The following ZNF623 variants were observed in gnomAD, a reference collection of about 807,000 sequenced individuals.
ZNF623 encodes zinc finger protein 623.
In ZNF623, 16 loss-of-function variants were observed where a neutral mutation model predicts 24.0. That is an observed-to-expected ratio of 0.67 (90% CI 0.45 to 1.01). The LOEUF (loss-of-function observed/expected upper bound fraction) is 1.01, where lower values mean the gene tolerates loss of function less well. Ranked by LOEUF, ZNF623 falls within the 50% of genes least tolerant of loss-of-function variation. The probability of loss-of-function intolerance (pLI) is 0.00; values close to 1 mark genes in which losing one functional copy is unlikely to be tolerated. For missense variants in ZNF623, 566 were observed against 606.5 expected (o/e 0.93, Z 0.70); for synonymous variants, 224 against 219.8 (o/e 1.02, Z -0.17).
In ZNF623 at chr8:143,650,648, G is replaced by A. The variant is rs1452692559; in HGVS notation, c.656G>A (p.Gly219Glu). Residue 219 changes from glycine (G) to glutamate (E), a missense_variant, in exon 2 of 2, where the codon GGA becomes GAA. This residue lies in a region of ZNF623 where 313 missense variants were observed against 300.4 expected (regional missense o/e 1.04). Coordinates refer to ENST00000526926, the MANE Select transcript of ZNF623 (RefSeq NM_001261843.2). The surrounding 1 kb of genome is among the most constrained non-coding windows in gnomAD (Gnocchi z 5.2). ...ATTCGCCATCAGAGGATTCACACGG[G>A]AGAAAGGCCCTATGAGTGCAATGAA... is the stretch of plus-strand genomic sequence containing the variant. ...LLIRHQRIHT[G>E]ERPYECNECG... 6.2e-7 allele frequency: 1 copy of A among 1,614,000 alleles called. No homozygotes were observed. Among genetic ancestry groups the A allele is most frequent in the Non-Finnish European group, 8.5e-7 (1 of 1,180,048 alleles).
intron 1 of ZNF623, among the ~76,000 whole-genome samples, chr8:143,639,878 C>T (rs567986358): frequency 3.9e-5 from 6 of 152,302 alleles, no homozygotes; most frequent in African/African-American, 1.4e-4. Flanking sequence ...GTGGACAGCA[C>T]GCACACATCA....
chr8:143,643,765 T>C (rs1011291385), intron 1 of ZNF623, among the ~76,000 whole-genome samples: 1 of 152,222 alleles, frequency 6.6e-6, no homozygotes, highest in Non-Finnish European at 1.5e-5. Flanking sequence ...CCTGGCTGCT[T>C]TTGCTCAGCA....
rs1231748124 is a variant in ZNF623, at chr8:143,650,111, A to G, written c.119A>G (p.Gln40Arg). Residue 40 changes from glutamine to arginine, a missense_variant, in exon 2 of 2, where the codon CAG (glutamine) becomes CGG (arginine). Transcript: ENST00000526926. This position sits in a 1 kb window ranked among gnomAD's most constrained non-coding sequence, Gnocchi z 5.2. The stretch of plus-strand genomic sequence containing the variant: ...CCCTCTCAGGACAGGGGCTGCAAGC[A>G]GGTGACAGTGACCCATTGGAAGATC... ...SSPSQDRGCK[Q>R]VTVTHWKIQT... 5 of 1,614,196 alleles carry G rather than the reference A, an allele frequency of 3.1e-6. No homozygotes were observed. Among genetic ancestry groups the G allele is most frequent in the Non-Finnish European group, 4.2e-6 (5 of 1,180,030 alleles).
At chr8:143,639,572 C>T (rs1487731002) in intron 1 of ZNF623, among the ~76,000 whole-genome samples, 2 of 152,156 alleles carry the variant, frequency 1.3e-5, no homozygotes, top group East Asian at 3.9e-4. Context: ...CCAGGCTGGT[C>T]TCTAAGTCCT....
chr8:143,651,573 TTG>T lies in ZNF623; in HGVS notation c.*93_*94del. On this transcript the variant is annotated 3_prime_UTR_variant, in exon 2 of 2. Transcript: ENST00000526926. ...TCTAAGATTTGGACATGTCAGAATT[TTG>T]TGAGTCATGGATGGGGCTGCTTTTG... 6.9e-7 allele frequency: 1 copy of T among 1,454,674 alleles called. No individual in the cohort carries two copies. The highest frequency in any genetic ancestry group is 1.4e-5 in the South Asian group (1 of 71,768). 90.1% of individuals were successfully genotyped at this position (1,454,674 alleles called of 1,614,324 possible). A position where few individuals can be genotyped will look rare whatever the true frequency, so the allele number is the denominator to read the frequency against.
At chr8:143,645,313 G>T (rs1309045946) in intron 1 of ZNF623, among the ~76,000 whole-genome samples, 2 of 151,760 alleles carry the variant, frequency 1.3e-5, no homozygotes, top group Non-Finnish European at 2.9e-5. Flanking sequence ...ATGGTGGCGG[G>T]CGCCTGTAGT....
rs768252678 is a variant in ZNF623 at position 143,650,183 on chromosome 8, A to G, written c.191A>G (p.His64Arg). The G allele has an allele frequency of 3.7e-6, 6 of 1,614,228 alleles. No individual in the cohort carries two copies. Among genetic ancestry groups the G allele is most frequent in the South Asian group, 1.1e-5 (1 of 91,088 alleles). Residue 64 changes from histidine (H) to arginine (R), a missense_variant, in exon 2 of 2, where the codon CAT (histidine) becomes CGT (arginine). Around this residue, in one of 3 missense-constraint regions of ZNF623, gnomAD observed 313 missense variants for 300.4 expected, o/e 1.04. Coordinates refer to ENST00000526926, the MANE Select transcript of ZNF623 (RefSeq NM_001261843.2). This position sits in a 1 kb window ranked among gnomAD's most constrained non-coding sequence, Gnocchi z 5.2. ...AQVCTKSGRN[H>R]ILNSDLLLLQ... ...GTGTGCACCAAGTCAGGAAGAAACC[A>G]TATTCTGAACTCAGACCTTCTTCTG...
chr8:143,646,823 T>C (rs535551046), intron 1 of ZNF623, among the ~76,000 whole-genome samples: 1 of 152,178 alleles, frequency 6.6e-6, no homozygotes, highest in East Asian at 1.9e-4. Context: ...CTACCTTGCC[T>C]GGCTGTTTTT....
rs1380447159 is a variant in ZNF623, at chr8:143,650,658, C to T, written c.666C>T (p.Pro222=). The T allele has an allele frequency of 2.5e-6, 4 of 1,613,864 alleles. No homozygotes were observed. The highest frequency in any genetic ancestry group is 1.1e-5 in the South Asian group (1 of 91,064). ...RHQRIHTGER[P]YECNECGKSF... ...AGAGGATTCACACGGGAGAAAGGCC[C>T]TATGAGTGCAATGAATGTGGGAAAT... The change falls in exon 2 of 2, where the codon CCC becomes CCT. Residue 222 remains proline, a synonymous_variant. Coordinates refer to ENST00000526926, the MANE Select transcript of ZNF623 (RefSeq NM_001261843.2). The surrounding 1 kb of genome is among the most constrained non-coding windows in gnomAD (Gnocchi z 5.2).
intron 1 of ZNF623, chr8:143,636,395 C>T (rs1400699993): frequency 6.6e-6 from 1 of 152,346 alleles, no homozygotes; most frequent in Non-Finnish European, 1.5e-5. Flanking sequence ...AGCCTGGGGT[C>T]TTGTCCCTGA....
intron 1 of ZNF623, among the ~76,000 whole-genome samples, chr8:143,644,299 T>C (rs7013332): frequency 6.6e-6 from 1 of 152,112 alleles, no homozygotes; most frequent in Non-Finnish European, 1.5e-5. Flanking sequence ...ATTACAGGCA[T>C]GAGCCGCTGT....
At chr8:143,648,403 G>A (rs1209215472) in intron 1 of ZNF623, among the ~76,000 whole-genome samples, 1 of 152,104 alleles carries the variant, frequency 6.6e-6, no homozygotes, top group African/African-American at 2.4e-5. Flanking sequence ...GTGGATGTTT[G>A]GGGTGAGAGC....
chr8:143,643,978 T>C (rs1479916510), intron 1 of ZNF623, among the ~76,000 whole-genome samples: 2 of 152,194 alleles, frequency 1.3e-5, no homozygotes, highest in Non-Finnish European at 2.9e-5. Flanking sequence ...CTGTTGGGGC[T>C]GCTTGCTGCC....
Position 143,650,860 on chromosome 8 carries a change from C to G in ZNF623, c.868C>G (p.Arg290Gly). 1 of 1,614,158 alleles carries G rather than the reference C, an allele frequency of 6.2e-7. No individual in the cohort carries two copies. The highest frequency in any genetic ancestry group is 8.5e-7 in the Non-Finnish European group (1 of 1,180,028). Residue 290 changes from arginine to glycine, a missense_variant, in exon 2 of 2, where the codon CGG becomes GGG. Coordinates refer to ENST00000526926, the MANE Select transcript of ZNF623 (RefSeq NM_001261843.2). This position sits in a 1 kb window ranked among gnomAD's most constrained non-coding sequence, Gnocchi z 5.2. Reference protein sequence around the residue: ...ECNECGKAFIRSSKLIQHQRI... With the variant: ...ECNECGKAFIGSSKLIQHQRI... ...CAATGAGTGTGGGAAAGCCTTTATT[C>G]GGAGTTCAAAGCTCATTCAGCATCA...
chr8:143,646,546 CGTGTGTGT>C (rs60526625), intron 1 of ZNF623, among the ~76,000 whole-genome samples: 1 of 149,456 alleles, frequency 6.7e-6, no homozygotes, highest in African/African-American at 2.4e-5. Context: ...GGGGTGTGTG[CGTGTGTGT>C]GTGTGTGTGT....
chr8:143,643,530 A>G (rs1222246012), intron 1 of ZNF623, among the ~76,000 whole-genome samples: 2 of 152,224 alleles, frequency 1.3e-5, no homozygotes, highest in Non-Finnish European at 2.9e-5. Flanking sequence ...TGCCCTCCAC[A>G]GCGGGGTTGG....
Position 143,650,320 on chromosome 8 carries a change from C to A in ZNF623, c.328C>A (p.Pro110Thr). 1 of 1,614,220 alleles carries A rather than the reference C, an allele frequency of 6.2e-7. No individual in the cohort carries two copies. Among genetic ancestry groups the A allele is most frequent in the Non-Finnish European group, 8.5e-7 (1 of 1,180,034 alleles). The stretch of plus-strand genomic sequence containing the variant: ...TCGGATTTCGCATGCTGGGGAGAAA[C>A]CTTACACGTGCGATCAGTGTGGGAA... ...RHRISHAGEK[P>T]YTCDQCGKGF... is the part of the protein sequence containing the mutation. The change falls in exon 2 of 2, where the codon CCT becomes ACT. Residue 110 changes from proline to threonine, a missense_variant. This residue lies in a region of ZNF623 where 313 missense variants were observed against 300.4 expected (regional missense o/e 1.04). Transcript: ENST00000526926. The surrounding 1 kb of genome is among the most constrained non-coding windows in gnomAD (Gnocchi z 5.2).
chr8:143,643,706 G>T (rs753694121), intron 1 of ZNF623, among the ~76,000 whole-genome samples: 1 of 152,208 alleles, frequency 6.6e-6, no homozygotes, highest in African/African-American at 2.4e-5. Context: ...TTGGCTCTCT[G>T]TTTTCTAGCT....
At chr8:143,647,333 T>C (rs978928814) in intron 1 of ZNF623, among the ~76,000 whole-genome samples, 1 of 152,096 alleles carries the variant, frequency 6.6e-6, no homozygotes, top group African/African-American at 2.4e-5. Context: ...GCTAATTTTT[T>C]TTGTATTTTT....
Sources: allele counts gnomAD v4.1 joint callset (sites outside exome capture counted in the v4.1 genomes callset), GRCh38; gene constraint gnomAD v4.1.1; regional missense constraint gnomAD v4.1.1; non-coding constraint Gnocchi (gnomAD v3.1); transcripts MANE v1.5; gene names NCBI Gene and HGNC (gene_info 2026-07-23, HGNC 2026-07-21).